Variants in ROBO2 observed in about 807,000 individuals in gnomAD.
ROBO2 encodes the protein roundabout guidance receptor 2.
A neutral mutation model predicts 160.8 loss-of-function variants in ROBO2; 53 were observed. The observed-to-expected ratio is 0.33, with a 90% CI of 0.26 to 0.41. The LOEUF (loss-of-function observed/expected upper bound fraction) is 0.41, where lower values mean the gene tolerates loss of function less well. Among genes scored for constraint, ROBO2 ranks in the 10% least tolerant of loss-of-function variants. The pLI is 1.00. For missense variants in ROBO2, 1,577 were observed against 1,722.4 expected (o/e 0.92, Z 1.49); for synonymous variants, 664 against 611.7 (o/e 1.09, Z -1.26).
chr3:76,691,804 G>A (rs1477655958), intron 2 of ROBO2, among the ~76,000 whole-genome samples: 1 of 152,050 alleles, frequency 6.6e-6, no homozygotes, highest in Non-Finnish European at 1.5e-5. Context: ...AAATGATGAG[G>A]CAACTAGAGA....
chr3:76,950,698 A>G (rs573430241), intron 2 of ROBO2, among the ~76,000 whole-genome samples: 1 of 152,018 alleles, frequency 6.6e-6, no homozygotes, highest in East Asian at 1.9e-4. Flanking sequence ...CAGACTCTAG[A>G]GTGTGCTTGC....
intron 2 of ROBO2, among the ~76,000 whole-genome samples, chr3:76,196,751 A>T (rs1188911605): frequency 6.6e-6 from 1 of 152,154 alleles, no homozygotes; most frequent in Non-Finnish European, 1.5e-5. Context: ...TGTTATTGTC[A>T]TGTCTTTTTA....
At chr3:76,833,819 C>T (rs1340510363) in intron 2 of ROBO2, among the ~76,000 whole-genome samples, 5 of 152,138 alleles carry the variant, frequency 3.3e-5, no homozygotes, top group Non-Finnish European at 1.5e-5. Flanking sequence ...AAGTTTCAAA[C>T]CCACTTCCTT....
At chr3:77,439,619 A>G (rs1430639232) in intron 2 of ROBO2, among the ~76,000 whole-genome samples, 2 of 152,122 alleles carry the variant, frequency 1.3e-5, no homozygotes, top group African/African-American at 4.8e-5. Context: ...GGTTCCTTGT[A>G]TTAATGCATT....
intron 2 of ROBO2, among the ~76,000 whole-genome samples, chr3:76,290,662 A>T (rs1708757417): frequency 6.6e-6 from 1 of 152,122 alleles, no homozygotes. Flanking sequence ...TGGGTCTGTC[A>T]TAGATTGCTC....
chr3:76,118,793 C>G (rs981049733), intron 2 of ROBO2, among the ~76,000 whole-genome samples: 2 of 152,090 alleles, frequency 1.3e-5, no homozygotes, highest in African/African-American at 4.8e-5. Flanking sequence ...ATGTCAAGTA[C>G]AAATATTAGT....
At chr3:76,344,791 A>T (rs2074428841) in intron 2 of ROBO2, among the ~76,000 whole-genome samples, 1 of 152,194 alleles carries the variant, frequency 6.6e-6, no homozygotes, top group Admixed American at 6.5e-5. Flanking sequence ...AACCAGAGTA[A>T]AGTCAAGAAT....
intron 2 of ROBO2, among the ~76,000 whole-genome samples, chr3:76,329,019 G>A (rs1374425765): frequency 1.3e-5 from 2 of 151,454 alleles, no homozygotes; most frequent in Non-Finnish European, 2.9e-5. Flanking sequence ...CAAGCAGACT[G>A]GTTGTCAGAA....
intron 6 of ROBO2, among the ~76,000 whole-genome samples, chr3:77,532,002 T>G (rs2091766768): frequency 1.3e-5 from 2 of 152,122 alleles, no homozygotes; most frequent in Admixed American, 6.6e-5. Flanking sequence ...ATGGTAAGTT[T>G]AAAAAAGGCA....
intron 6 of ROBO2, among the ~76,000 whole-genome samples, chr3:77,539,803 G>A (rs1390540912): frequency 6.6e-6 from 1 of 152,138 alleles, no homozygotes; most frequent in East Asian, 1.9e-4. Flanking sequence ...GGCAATGCAA[G>A]CAAGAGCAAG....
chr3:77,089,612 G>T (rs1315380190), intron 1 of ROBO2, among the ~76,000 whole-genome samples: 2 of 152,134 alleles, frequency 1.3e-5, no homozygotes, highest in Admixed American at 6.6e-5. Context: ...GCACTGCTGT[G>T]CTTCCAGAAG....
intron 2 of ROBO2, among the ~76,000 whole-genome samples, chr3:76,027,427 T>C (rs745704662): frequency 2.0e-5 from 3 of 151,804 alleles, no homozygotes; most frequent in Non-Finnish European, 2.9e-5. Flanking sequence ...TAATTTCAAT[T>C]AATAAGTTAA....
intron 16 of ROBO2, among the ~76,000 whole-genome samples, chr3:77,583,035 G>A (rs947704550): frequency 6.6e-6 from 1 of 151,302 alleles, no homozygotes; most frequent in Non-Finnish European, 1.5e-5. Flanking sequence ...CCAGCTACTC[G>A]GGAGGCTGAG....
chr3:77,634,256 A>C (rs564272484), intron 23 of ROBO2: 1 of 154,574 alleles, frequency 6.5e-6, no homozygotes, highest in East Asian at 1.9e-4. Flanking sequence ...TGGATATACA[A>C]GGTGATTTTA....
At position 76,358,962 on chromosome 3, in the gene ROBO2, C is replaced by G. The variant is rs553290267; in HGVS notation, c.109+421360C>G. ...AACAGTCCCCGGTGTGTGATGTTCC[C>G]CTTCCTGAGTCCATGTGTTCTCATT... On this transcript the variant is annotated intron_variant, in intron 2 of 26. Transcript: ENST00000487694. Among the ~76,000 whole-genome samples, 135 of 142,148 alleles carry G rather than the reference C, an allele frequency of 9.5e-4. 1 individual carries two copies. Among genetic ancestry groups the G allele is most frequent in the Non-Finnish European group, 1.4e-3 (93 of 65,762 alleles). The allele number at this position is 142,148 out of a possible 152,430, so 93.3% of individuals were successfully genotyped here. A position where few individuals can be genotyped will look rare whatever the true frequency, so the allele number is the denominator to read the frequency against.
intron 2 of ROBO2, among the ~76,000 whole-genome samples, chr3:75,971,274 C>A (rs945910778): frequency 4.6e-5 from 7 of 151,310 alleles, no homozygotes; most frequent in African/African-American, 1.7e-4. Context: ...TGTTATATAT[C>A]AAAATATAAT....
At chr3:77,405,488 A>C (rs891358843) in intron 2 of ROBO2, among the ~76,000 whole-genome samples, 1 of 152,128 alleles carries the variant, frequency 6.6e-6, no homozygotes, top group African/African-American at 2.4e-5. Context: ...TATGTCTTTA[A>C]AGTGAATGTG....
intron 2 of ROBO2, among the ~76,000 whole-genome samples, chr3:76,457,350 G>A (rs1472612652): frequency 6.6e-6 from 1 of 152,192 alleles, no homozygotes; most frequent in Non-Finnish European, 1.5e-5. Flanking sequence ...ATCCAGCGGT[G>A]CAGTCAAACT....
intron 2 of ROBO2, among the ~76,000 whole-genome samples, chr3:77,273,337 C>T (rs2059623930): frequency 6.6e-6 from 1 of 152,176 alleles, no homozygotes; most frequent in South Asian, 2.1e-4. Flanking sequence ...GCCACATGTT[C>T]TCACTTAGAA....
Sources: allele counts gnomAD v4.1 joint callset (sites outside exome capture counted in the v4.1 genomes callset), GRCh38; gene constraint gnomAD v4.1.1; transcripts MANE v1.5; gene names NCBI Gene and HGNC (gene_info 2026-07-23, HGNC 2026-07-21).